Variants in HDAC7 observed in about 807,000 individuals in gnomAD.
HDAC7 encodes the protein histone deacetylase 7A.
HDAC7 carries 26 observed loss-of-function variants against 115.5 expected under a neutral mutation model. The observed-to-expected ratio is 0.23, with a 90% CI of 0.16 to 0.31. The LOEUF is 0.31. Ranked by LOEUF, HDAC7 falls within the 10% of genes least tolerant of loss-of-function variation. HDAC7 has a pLI of 1.00. For missense variants in HDAC7, 1,068 were observed against 1,329.0 expected (o/e 0.80, Z 3.05); for synonymous variants, 564 against 550.9 (o/e 1.02, Z -0.33).
At chr12:47,805,138 A>G (rs1333311470) in intron 1 of HDAC7, among the ~76,000 whole-genome samples, 2 of 151,016 alleles carry the variant, frequency 1.3e-5, no homozygotes, top group Admixed American at 6.6e-5. Context: ...TGATGTGAAC[A>G]TGGCTCACTG....
rs770085561 is a variant in HDAC7, at chr12:47,798,882, G to A, written c.161C>T (p.Pro54Leu). 1.3e-6 allele frequency: 2 copies of A among 1,546,964 alleles called. No individual in the cohort carries two copies. The highest frequency in any genetic ancestry group is 1.7e-6 in the Non-Finnish European group (2 of 1,148,678). ...VGQRPPVEPPPEPTLLALQRP... is the reference protein window; with the variant it reads ...VGQRPPVEPPLEPTLLALQRP... Reference sequence around the variant, plus strand: ...CTGCAGGGCCAGCAATGTGGGCTCTGGTGGGGGCTCCACTGGGGGCCGCTG... The same window carrying A: ...CTGCAGGGCCAGCAATGTGGGCTCTAGTGGGGGCTCCACTGGGGGCCGCTG... The change falls in exon 3 of 26, where the codon CCA becomes CTA. Residue 54 changes from proline to leucine, a missense_variant. Pro to Leu is a moderately conservative substitution (Grantham distance 98, BLOSUM62 -3). Transcript: ENST00000080059. The surrounding 1 kb of genome is among the most constrained non-coding windows in gnomAD (Gnocchi z 4.3).
At chr12:47,809,009 T>G (rs984541630) in intron 1 of HDAC7, among the ~76,000 whole-genome samples, 1 of 152,230 alleles carries the variant, frequency 6.6e-6, no homozygotes, top group Non-Finnish European at 1.5e-5. Flanking sequence ...AGGCCCTATC[T>G]GTAACATGGG....
chr12:47,798,629 G>A lies in HDAC7; in HGVS notation c.282C>T (p.Pro94=), dbSNP rs367840348. 3.4e-5 allele frequency: 55 copies of A among 1,613,672 alleles called. No homozygotes were observed. The highest frequency in any genetic ancestry group is 1.5e-4 in the African/African-American group (11 of 74,930). Reference sequence around the variant, plus strand: ...GTTCCTGGGGTCCCACCTGCAACTCGGGCATCGGCGTGTCCATGGAGAGCT... The same window carrying A: ...GTTCCTGGGGTCCCACCTGCAACTCAGGCATCGGCGTGTCCATGGAGAGCT... ...PMRLSMDTPM[P]ELQVGPQEQE... The change falls in exon 4 of 26, where the codon CCC becomes CCT. Residue 94 remains proline (P), a synonymous_variant. Transcript: ENST00000080059. This position sits in a 1 kb window ranked among gnomAD's most constrained non-coding sequence, Gnocchi z 4.3.
chr12:47,798,586 G>A lies in HDAC7; in HGVS notation c.325C>T (p.Leu109Phe). The change falls in exon 4 of 26, where the codon CTC becomes TTC. Residue 109 changes from leucine to phenylalanine, a missense_variant. Physicochemically the swap from Leu to Phe is conservative, Grantham distance 22 (BLOSUM62 0). This residue lies in a region of HDAC7 where 161 missense variants were observed against 158.5 expected (regional missense o/e 1.02). Coordinates refer to ENST00000080059, the MANE Select transcript of HDAC7 (RefSeq NM_015401.5). The surrounding 1 kb of genome is among the most constrained non-coding windows in gnomAD (Gnocchi z 4.3). Reference sequence around the variant, plus strand: ...CTTCGCTTGCTCTTGTCCTTGTGGAGAAGCTGCCGCAGCTCTTGTTCCTGG... The same window carrying A: ...CTTCGCTTGCTCTTGTCCTTGTGGAAAAGCTGCCGCAGCTCTTGTTCCTGG... Reference protein sequence around the residue: ...GPQEQELRQLLHKDKSKRSAV... With the variant: ...GPQEQELRQLFHKDKSKRSAV... The A allele has an allele frequency of 6.2e-6, 10 of 1,614,032 alleles. No individual in the cohort carries two copies. The highest frequency in any genetic ancestry group is 8.5e-6 in the Non-Finnish European group (10 of 1,179,914).
At chr12:47,785,935 C>T (rs748592593) in intron 22 of HDAC7, 50 bp from the exon 23 acceptor site, 28 of 1,519,248 alleles carry the variant, frequency 1.8e-5, no homozygotes, top group Non-Finnish European at 2.1e-5. Flanking sequence ...GAGAGGTGAC[C>T]CTGTTCTCTA....
chr12:47,800,436 A>T (rs1944106867), intron 2 of HDAC7, among the ~76,000 whole-genome samples: 1 of 152,190 alleles, frequency 6.6e-6, no homozygotes, highest in African/African-American at 2.4e-5. Flanking sequence ...ACAAGACAGG[A>T]GCCCAGCAAG....
rs1943914094 is a variant in HDAC7 at position 47,797,367 on chromosome 12, CTGTT to C, written c.577+13_577+16del. ...CCCTTCCTTTGCCTGAAAGGTCCGC[CTGTT>C]TGTTCAGCTCACCTGTCTTGCGCAG... On this transcript the variant is annotated intron_variant, in intron 6 of 25. Transcript: ENST00000080059. This position sits in a 1 kb window ranked among gnomAD's most constrained non-coding sequence, Gnocchi z 5.5. The C allele has an allele frequency of 1.2e-6, 2 of 1,610,374 alleles. No homozygotes were observed. The highest frequency in any genetic ancestry group is 1.7e-5 in the Admixed American group (1 of 59,982).
intron 19 of HDAC7, chr12:47,788,940 TATC>T (rs1343246549): frequency 6.2e-6 from 2 of 323,680 alleles, no homozygotes; most frequent in African/African-American, 2.1e-5. Context: ...CTATTATTCT[TATC>T]ATCACTACCT....
rs546387904 is a variant in HDAC7 at position 47,790,769 on chromosome 12, C to T, written c.1983+490G>A. 3.2e-4 allele frequency: 60 copies of T among 185,164 alleles called. No homozygotes were observed. The South Asian group carries it at 4.5e-3, about 14-fold the overall frequency. The allele number at this position is 185,164 out of a possible 1,614,324, so 11.5% of individuals were successfully genotyped here. On this transcript the variant is annotated intron_variant, in intron 16 of 25. Transcript: ENST00000080059. ...GGGTGAGGACTTAGGAAGCAAAGCT[C>T]GCGAGCGGAGTTTGGGGCTATGTCC...
At chr12:47,789,415 G>GT (rs1403907106) in intron 18 of HDAC7, 67 bp from the exon 19 acceptor site, 3 of 1,578,720 alleles carry the variant, frequency 1.9e-6, no homozygotes, top group Non-Finnish European at 2.6e-6. Flanking sequence ...AGGCCCCTGG[G>GT]TTGGCCCAGC....
At position 47,802,183 on chromosome 12, in the gene HDAC7, T is replaced by C. The variant is rs1393448131; in HGVS notation, c.70+41A>G. 21 of 1,596,218 alleles carry C rather than the reference T, an allele frequency of 1.3e-5. No individual in the cohort carries two copies. In the East Asian group the frequency reaches 4.7e-4, roughly 36 times the overall value. ...TCTTACAGCCTTTCCACCCCTCATC[T>C]TCCACTCCCTACCATGGACTCCCCC... On this transcript the variant is annotated intron_variant, in intron 2 of 25. Coordinates refer to ENST00000080059, the MANE Select transcript of HDAC7 (RefSeq NM_015401.5).
At chr12:47,813,789 A>G (rs1400536824) in intron 1 of HDAC7, among the ~76,000 whole-genome samples, 1 of 152,218 alleles carries the variant, frequency 6.6e-6, no homozygotes, top group Non-Finnish European at 1.5e-5. Flanking sequence ...GGTGGAAGGC[A>G]GCCTTGGCAG....
Position 47,798,709 on chromosome 12 carries a change from G to A in HDAC7, c.259-57C>T, listed in dbSNP as rs1282494967. 77 of 1,573,822 alleles carry A rather than the reference G, an allele frequency of 4.9e-5. No individual in the cohort carries two copies. Among genetic ancestry groups the A allele is most frequent in the Non-Finnish European group, 4.1e-5 (47 of 1,158,072 alleles). On this transcript the variant is annotated intron_variant, in intron 3 of 25. Coordinates refer to ENST00000080059, the MANE Select transcript of HDAC7 (RefSeq NM_015401.5). The surrounding 1 kb of genome is among the most constrained non-coding windows in gnomAD (Gnocchi z 4.3). ...CAAGGAGTTGAGGACTGAGACTGGT[G>A]TCTAGGGATGCTGAAGGCGGGGAGG...
intron 1 of HDAC7, among the ~76,000 whole-genome samples, chr12:47,811,179 T>C (rs1439520661): frequency 6.6e-6 from 1 of 152,162 alleles, no homozygotes; most frequent in East Asian, 1.9e-4. Context: ...AGTGGTGCCC[T>C]AGAATCCCCC....
intron 1 of HDAC7, 110 bp downstream of exon 1, chr12:47,819,657 C>CGAGCCG (rs1031789872): frequency 1.2e-4 from 22 of 179,354 alleles, no homozygotes; most frequent in East Asian, 3.7e-4. Context: ...GGCGGGAGCC[C>CGAGCCG]GAGCCGGAGC....
intron 24 of HDAC7, chr12:47,784,603 C>T: frequency 8.1e-6 from 8 of 989,616 alleles, no homozygotes; most frequent in Non-Finnish European, 1.2e-5. Flanking sequence ...GCTCGGGCCT[C>T]CCACTTAAAC....
In HDAC7 at chr12:47,794,934, C is replaced by T; in HGVS notation, c.1285-1G>A. ...GCTTCTCACTCGGCTTGGCTGACCT[C>T]TGGGGAGGGGAGAACCTGGCTGAGA... is the stretch of plus-strand genomic sequence containing the variant. On this transcript the variant is annotated splice_acceptor_variant, in intron 11 of 25. Coordinates refer to ENST00000080059, the MANE Select transcript of HDAC7 (RefSeq NM_015401.5). LOFTEE classifies it high-confidence loss of function. 6.2e-7 allele frequency: 1 copy of T among 1,610,046 alleles called. No individual in the cohort carries two copies. Among genetic ancestry groups the T allele is most frequent in the Non-Finnish European group, 8.5e-7 (1 of 1,178,666 alleles).
Position 47,783,733 on chromosome 12 carries a change from C to A in HDAC7, c.*108G>T. The A allele has an allele frequency of 8.9e-7, 1 of 1,124,880 alleles. No homozygotes were observed. The highest frequency in any genetic ancestry group is 1.3e-6 in the Non-Finnish European group (1 of 754,952). 69.7% of individuals were successfully genotyped at this position (1,124,880 alleles called of 1,614,324 possible). ...CAGGCAGGCTGTTCTCTGGTTCCAACTACTTGCCCACAGGATCTCTAAAGA... is the reference window on the plus strand; with the variant it reads ...CAGGCAGGCTGTTCTCTGGTTCCAAATACTTGCCCACAGGATCTCTAAAGA... On this transcript the variant is annotated 3_prime_UTR_variant, in exon 26 of 26. Transcript: ENST00000080059.
intron 7 of HDAC7, 81 bp downstream of exon 7, chr12:47,796,935 CT>C: frequency 1.4e-6 from 2 of 1,450,954 alleles, no homozygotes; most frequent in Non-Finnish European, 9.1e-7. Context: ...GAGGGGACCC[CT>C]GTCTAGGTGG....
Sources: allele counts gnomAD v4.1 joint callset (sites outside exome capture counted in the v4.1 genomes callset), GRCh38; gene constraint gnomAD v4.1.1; regional missense constraint gnomAD v4.1.1; non-coding constraint Gnocchi (gnomAD v3.1); transcripts MANE v1.5; gene names NCBI Gene and HGNC (gene_info 2026-07-23, HGNC 2026-07-21).